Variants in COMMD6 observed in about 807,000 individuals in gnomAD.
COMMD6 encodes COMM domain-containing protein 6.
In COMMD6, 11 loss-of-function variants were observed where a neutral mutation model predicts 13.4. The observed-to-expected ratio is 0.82, with a 90% CI of 0.52 to 1.36. The LOEUF (loss-of-function observed/expected upper bound fraction) is 1.36. Among genes scored for constraint, COMMD6 ranks in the 40% most tolerant of loss-of-function variants. COMMD6 has a pLI of 0.00. For synonymous variants in COMMD6, 43 were observed against 36.5 expected (o/e 1.18, Z -0.64); for missense variants, 124 against 102.4 (o/e 1.21, Z -0.91).
chr13:75,533,256 A>G (rs2030551430), intron 2 of COMMD6, among the ~76,000 whole-genome samples: 1 of 151,838 alleles, frequency 6.6e-6, no homozygotes, highest in Non-Finnish European at 1.5e-5. Flanking sequence ...AGAGAGAATG[A>G]TATCAAAATA....
intron 3 of COMMD6, among the ~76,000 whole-genome samples, chr13:75,526,931 A>G (rs2030284099): frequency 6.6e-6 from 1 of 152,188 alleles, no homozygotes. Context: ...TGTCCTAGAC[A>G]CTGAAAATAA....
rs367689969 is a variant in COMMD6, at chr13:75,537,726, A to G, written c.42+38T>C. 6.2e-6 allele frequency: 10 copies of G among 1,613,912 alleles called. No homozygotes were observed. In the African/African-American group the frequency reaches 1.2e-4, roughly 19 times the overall value. On this transcript the variant is annotated intron_variant, in intron 1 of 3. Coordinates refer to ENST00000682242, the MANE Select transcript of COMMD6 (RefSeq NM_203495.4). ...TAGAGAAACATCTTTCTTGCTCCAGAGCCTCGCTGCCCACTCTCCTTCCAG... is the reference window on the plus strand; with the variant it reads ...TAGAGAAACATCTTTCTTGCTCCAGGGCCTCGCTGCCCACTCTCCTTCCAG...
At chr13:75,529,075 G>A (rs73223955) in intron 3 of COMMD6, among the ~76,000 whole-genome samples, 1 of 152,078 alleles carries the variant, frequency 6.6e-6, no homozygotes, top group Admixed American at 6.5e-5. Context: ...ACTAACTGCT[G>A]TTTAAGTACT....
chr13:75,531,792 G>C (rs1480483415), intron 2 of COMMD6, among the ~76,000 whole-genome samples: 1 of 152,146 alleles, frequency 6.6e-6, no homozygotes, highest in African/African-American at 2.4e-5. Context: ...ATCTATCAAA[G>C]AGCTGACTTT....
intron 3 of COMMD6, chr13:75,527,859 T>C: frequency 6.7e-7 from 1 of 1,496,398 alleles, no homozygotes; most frequent in Non-Finnish European, 8.9e-7. Flanking sequence ...AGGCTGGGGG[T>C]CAATGGGGAA....
upstream of COMMD6, chr13:75,537,965 A>G: frequency 1.5e-6 from 1 of 678,610 alleles, no homozygotes; most frequent in Non-Finnish European, 2.4e-6. Flanking sequence ...TCTTAATTCA[A>G]CATATATCTT....
upstream of COMMD6, among the ~76,000 whole-genome samples, chr13:75,541,896 A>G (rs1256883766): frequency 6.6e-6 from 1 of 152,224 alleles, no homozygotes; most frequent in African/African-American, 2.4e-5. Context: ...TAAATAACAG[A>G]CAGAGGCTCT....
intron 2 of COMMD6, among the ~76,000 whole-genome samples, chr13:75,534,300 T>C (rs1185106894): frequency 6.6e-6 from 1 of 152,146 alleles, no homozygotes; most frequent in Non-Finnish European, 1.5e-5. Flanking sequence ...CAATGCTAAG[T>C]TCCACTCACT....
chr13:75,528,783 A>C (rs1383565230), intron 3 of COMMD6, among the ~76,000 whole-genome samples: 1 of 151,982 alleles, frequency 6.6e-6, no homozygotes, highest in Admixed American at 6.6e-5. Flanking sequence ...CAGAGGTTGC[A>C]GTGAGCCTAG....
intron 3 of COMMD6, among the ~76,000 whole-genome samples, chr13:75,527,058 G>A (rs2030288622): frequency 1.3e-5 from 2 of 152,174 alleles, no homozygotes; most frequent in South Asian, 2.1e-4. Flanking sequence ...TACTAGAAGA[G>A]AGATCCAACA....
At chr13:75,527,799 A>G (rs759276774) in intron 3 of COMMD6, 24 of 1,488,470 alleles carry the variant, frequency 1.6e-5, no homozygotes, top group East Asian at 2.5e-5. Flanking sequence ...GGAATCTAAA[A>G]AAGTCAAACT....
intron 2 of COMMD6, among the ~76,000 whole-genome samples, chr13:75,533,819 T>C (rs2030574222): frequency 6.6e-6 from 1 of 152,154 alleles, no homozygotes. Flanking sequence ...AGTCCAAAAG[T>C]ATCATTAAGA....
upstream of COMMD6, among the ~76,000 whole-genome samples, chr13:75,542,323 C>G (rs2030838822): frequency 7.4e-6 from 1 of 135,916 alleles, no homozygotes; most frequent in Admixed American, 8.0e-5. Flanking sequence ...GAGTTTCACT[C>G]TTGTTGCCCA....
Position 75,530,216 on chromosome 13 carries a change from G to A in COMMD6, c.105C>T (p.Cys35=), listed in dbSNP as rs1063482. 5.0e-6 allele frequency: 8 copies of A among 1,613,582 alleles called. No individual in the cohort carries two copies. In the South Asian group the frequency reaches 6.6e-5, roughly 13 times the overall value. Residue 35 remains cysteine (C), a synonymous_variant, in exon 3 of 4, where the codon TGC becomes TGT. Transcript: ENST00000682242. ...KLGMAVSSDT[C]RSLKYPYVAV... ...CAACGTAAGGATACTTAAGAGATCTGCAAGTGTCTGAGCTCACAGCCATAC... is the reference window on the plus strand; with the variant it reads ...CAACGTAAGGATACTTAAGAGATCTACAAGTGTCTGAGCTCACAGCCATAC...
chr13:75,544,138 TCATCAAGCAG>T (rs1354610701), intron 1 of COMMD6, among the ~76,000 whole-genome samples: 2 of 152,006 alleles, frequency 1.3e-5, no homozygotes, highest in Non-Finnish European at 2.9e-5. Flanking sequence ...GGTGGGGTAA[TCATCAAGCAG>T]CATCAGTAAG....
At chr13:75,537,940 G>A (rs2030743371), upstream of COMMD6, 2 of 820,796 alleles carry the variant, frequency 2.4e-6, no homozygotes, top group Admixed American at 2.6e-5. Flanking sequence ...GCATCTTTAT[G>A]TGACTCATAT....
At chr13:75,548,652 A>G (rs2030959687) in intron 1 of COMMD6, among the ~76,000 whole-genome samples, 1 of 152,200 alleles carries the variant, frequency 6.6e-6, no homozygotes, top group South Asian at 2.1e-4. Context: ...ATTATTGACA[A>G]GTGATGTTTC....
intron 2 of COMMD6, among the ~76,000 whole-genome samples, chr13:75,537,211 G>A (rs555540039): frequency 6.6e-6 from 1 of 152,250 alleles, no homozygotes; most frequent in Non-Finnish European, 1.5e-5. Context: ...ACAGAAATGG[G>A]GCTAAGATAT....
intron 2 of COMMD6, among the ~76,000 whole-genome samples, chr13:75,533,570 G>GAA (rs57092186): frequency 2.3e-4 from 30 of 131,058 alleles, no homozygotes; most frequent in African/African-American, 7.7e-4. Flanking sequence ...CCCCAAATCT[G>GAA]AAAAAAAAAA....
Sources: gnomAD v4.1 joint callset for allele counts (sites outside exome capture counted in the v4.1 genomes callset) on GRCh38, gnomAD v4.1.1 for gene constraint, MANE v1.5 for transcripts, NCBI Gene and HGNC (gene_info 2026-07-23, HGNC 2026-07-21) for gene names.